ADAMTS3: variants seen among roughly 807,000 people sequenced by gnomAD.
ADAMTS3 encodes the protein A disintegrin and metalloproteinase with thrombospondin motifs 3.
ADAMTS3 carries 73 observed loss-of-function variants against 129.0 expected under a neutral mutation model. That is an observed-to-expected ratio of 0.57 (90% CI 0.47 to 0.69). The LOEUF (loss-of-function observed/expected upper bound fraction) is 0.69. Among genes scored for constraint, ADAMTS3 ranks in the 30% least tolerant of loss-of-function variants. The probability of loss-of-function intolerance (pLI) is 0.00; values close to 1 mark genes in which losing one functional copy is unlikely to be tolerated. For synonymous variants in ADAMTS3, 477 were observed against 510.8 expected (o/e 0.93, Z 0.89); for missense variants, 1,457 against 1,514.5 (o/e 0.96, Z 0.63).
chr4:72,533,280 G>T (rs1419478298), intron 3 of ADAMTS3, among the ~76,000 whole-genome samples: 1 of 152,064 alleles, frequency 6.6e-6, no homozygotes, highest in East Asian at 1.9e-4. Flanking sequence ...GGCCTACACA[G>T]AGTCAGATTC....
chr4:72,335,818 A>G (rs1328284537), intron 5 of ADAMTS3, among the ~76,000 whole-genome samples: 1 of 152,034 alleles, frequency 6.6e-6, no homozygotes, highest in Non-Finnish European at 1.5e-5. Context: ...TTTGGCATCT[A>G]TTTCCTCTTG....
At chr4:72,429,143 T>C (rs1203115468) in intron 3 of ADAMTS3, among the ~76,000 whole-genome samples, 1 of 152,054 alleles carries the variant, frequency 6.6e-6, no homozygotes, top group East Asian at 1.9e-4. Context: ...TGCCTTAAAA[T>C]TAATGTGCCA....
At position 72,414,845 on chromosome 4, in the gene ADAMTS3, T is replaced by C. The variant is rs376567219; in HGVS notation, c.631A>G (p.Ile211Val). 7 of 1,542,228 alleles carry C rather than the reference T, an allele frequency of 4.5e-6. No individual in the cohort carries two copies. Among genetic ancestry groups the C allele is most frequent in the South Asian group, 1.3e-5 (1 of 78,778 alleles). The part of the protein sequence containing the change: ...YKRSAVEQAP[I>V]DMSKDFHYRE... ...TAGTGGAAGTCTTTGGACATGTCTA[T>C]GGGAGCCTGTTCTACAGCTGATCTC... The change falls in exon 4 of 22, where the codon ATA becomes GTA. Residue 211 changes from isoleucine to valine, a missense_variant. Ile to Val is a conservative substitution (Grantham distance 29). Transcript: ENST00000286657.
chr4:72,468,768 G>GA (rs1718987710), intron 3 of ADAMTS3, among the ~76,000 whole-genome samples: 1 of 151,316 alleles, frequency 6.6e-6, no homozygotes, highest in South Asian at 2.1e-4. Flanking sequence ...AAAACGAGAA[G>GA]AAAACTTAGA....
chr4:72,389,961 C>G (rs1028791228), intron 4 of ADAMTS3, among the ~76,000 whole-genome samples: 1 of 151,984 alleles, frequency 6.6e-6, no homozygotes, highest in Non-Finnish European at 1.5e-5. Flanking sequence ...TGTATACACA[C>G]ATATAGGCCT....
At chr4:72,290,072 C>G (rs146778805) in intron 20 of ADAMTS3, among the ~76,000 whole-genome samples, 212 of 152,252 alleles carry the variant, frequency 1.4e-3, no homozygotes, top group African/African-American at 4.9e-3. Context: ...TATTTTGAGT[C>G]TTTAGAAATA....
At chr4:72,382,607 C>T (rs1215034384) in intron 4 of ADAMTS3, among the ~76,000 whole-genome samples, 1 of 152,128 alleles carries the variant, frequency 6.6e-6, no homozygotes, top group Non-Finnish European at 1.5e-5. Context: ...GCACTATTCA[C>T]AATAGCAAAG....
chr4:72,447,518 AT>A (rs1277359838), intron 3 of ADAMTS3, among the ~76,000 whole-genome samples: 2 of 151,782 alleles, frequency 1.3e-5, no homozygotes, highest in African/African-American at 4.8e-5. Context: ...TTGAGTCAGG[AT>A]TTTCTCCATA....
intron 13 of ADAMTS3, among the ~76,000 whole-genome samples, chr4:72,311,790 C>T (rs988571550): frequency 2.6e-5 from 4 of 151,860 alleles, no homozygotes; most frequent in Non-Finnish European, 5.9e-5. Context: ...CATATTTAAC[C>T]AAAAATTCAG....
chr4:72,393,478 A>G (rs989651509), intron 4 of ADAMTS3, among the ~76,000 whole-genome samples: 1 of 152,242 alleles, frequency 6.6e-6, no homozygotes, highest in African/African-American at 2.4e-5. Context: ...ATGCAATAAA[A>G]GATGAGCAAA....
At chr4:72,533,689 A>ATATATACATATATATG (rs1721113115) in intron 3 of ADAMTS3, among the ~76,000 whole-genome samples, 9 of 151,834 alleles carry the variant, frequency 5.9e-5, no homozygotes, top group African/African-American at 2.2e-4. Flanking sequence ...GCACACATGT[A>ATATATACATATATATG]TATATACTTT....
intron 6 of ADAMTS3, among the ~76,000 whole-genome samples, chr4:72,321,957 T>C (rs1178827650): frequency 6.6e-6 from 1 of 152,088 alleles, no homozygotes; most frequent in African/African-American, 2.4e-5. Flanking sequence ...CTTCTCAGAG[T>C]AGTTCTGATG....
At chr4:72,420,864 T>C (rs1722426601) in intron 3 of ADAMTS3, among the ~76,000 whole-genome samples, 1 of 152,230 alleles carries the variant, frequency 6.6e-6, no homozygotes. Context: ...ATGCGTTTTG[T>C]TTTAACCATT....
intron 3 of ADAMTS3, among the ~76,000 whole-genome samples, chr4:72,501,584 TCTC>T (rs1720026583): frequency 6.6e-6 from 1 of 152,100 alleles, no homozygotes; most frequent in African/African-American, 2.4e-5. Flanking sequence ...TTTGACTCCT[TCTC>T]CTATTTGGAT....
At chr4:72,489,976 C>T (rs188274050) in intron 3 of ADAMTS3, among the ~76,000 whole-genome samples, 29 of 151,850 alleles carry the variant, frequency 1.9e-4, no homozygotes, top group African/African-American at 5.8e-4. Context: ...ATTTACATTC[C>T]CATCAGTAGT....
chr4:72,310,927 A>G, intron 14 of ADAMTS3, 121 bp downstream of exon 14: 1 of 956,586 alleles, frequency 1.0e-6, no homozygotes, highest in Non-Finnish European at 1.5e-6. Context: ...TGAACTATTC[A>G]TAGACACTTA....
intron 3 of ADAMTS3, among the ~76,000 whole-genome samples, chr4:72,536,826 T>C (rs1160760728): frequency 6.6e-6 from 1 of 152,220 alleles, no homozygotes; most frequent in Non-Finnish European, 1.5e-5. Flanking sequence ...TCTCCCAAAG[T>C]ATCATAACTC....
intron 3 of ADAMTS3, among the ~76,000 whole-genome samples, chr4:72,450,969 AAGAAGAGAAGAGAAGAGAAGAGAAG>A (rs67162859): frequency 5.3e-4 from 74 of 140,146 alleles, no homozygotes; most frequent in East Asian, 2.7e-3. Context: ...GGCAGGCAAA[AAGAAGAGAAGAGAAGAGAAGAGAAG>A]AGAAGAGAAG....
intron 4 of ADAMTS3, among the ~76,000 whole-genome samples, chr4:72,414,113 T>C (rs1722246974): frequency 6.6e-6 from 1 of 151,850 alleles, no homozygotes; most frequent in African/African-American, 2.4e-5. Flanking sequence ...ATGTAAAGAC[T>C]TCTTGAGATT....
Sources: gnomAD v4.1 joint callset for allele counts (sites outside exome capture counted in the v4.1 genomes callset) on GRCh38, gnomAD v4.1.1 for gene constraint, MANE v1.5 for transcripts, NCBI Gene and HGNC (gene_info 2026-07-23, HGNC 2026-07-21) for gene names.